Variants in DNAJC1 observed in about 807,000 individuals in gnomAD.
DNAJC1 encodes DnaJ heat shock protein family (Hsp40) member C1, also known as dnaJ homolog subfamily C member 1.
In DNAJC1, 58 loss-of-function variants were observed where a neutral mutation model predicts 76.6. The observed-to-expected ratio is 0.76, with a 90% CI of 0.61 to 0.94. DNAJC1 has a LOEUF of 0.94. DNAJC1 is among the 40% of genes least tolerant of loss of function. DNAJC1 has a pLI of 0.00. For missense variants in DNAJC1, 689 were observed against 677.3 expected (o/e 1.02, Z -0.19); for synonymous variants, 258 against 267.9 (o/e 0.96, Z 0.36).
Position 21,921,130 on chromosome 10 carries a change from AT to A in DNAJC1, c.372-168del, listed in dbSNP as rs1486268101. ...ATCGAGTAAATTCAAAGCACTGTAGATAGCTCTAGTCACTGACACCCTTCAA... is the reference window on the plus strand; with the variant it reads ...ATCGAGTAAATTCAAAGCACTGTAGAAGCTCTAGTCACTGACACCCTTCAA... On this transcript the variant is annotated intron_variant, in intron 3 of 11. Coordinates refer to ENST00000376980, the MANE Select transcript of DNAJC1 (RefSeq NM_022365.4). Among the ~76,000 whole-genome samples the A allele has an allele frequency of 3.3e-5, 5 of 152,156 alleles. No individual in the cohort carries two copies. The South Asian group carries it at 1.0e-3, about 32-fold the overall frequency.
intron 1 of DNAJC1, among the ~76,000 whole-genome samples, chr10:21,934,792 C>A (rs1219349547): frequency 6.6e-6 from 1 of 152,148 alleles, no homozygotes; most frequent in Non-Finnish European, 1.5e-5. Context: ...CCAAGTGATG[C>A]ATTTCTCAGA....
chr10:21,923,387 C>T (rs1017032540), intron 3 of DNAJC1, among the ~76,000 whole-genome samples: 9 of 151,938 alleles, frequency 5.9e-5, no homozygotes, highest in African/African-American at 2.2e-4. Context: ...AGACACTTTT[C>T]ATAAGTTATT....
chr10:21,780,394 C>A (rs1338074776), intron 9 of DNAJC1, among the ~76,000 whole-genome samples: 1 of 152,218 alleles, frequency 6.6e-6, no homozygotes, highest in Non-Finnish European at 1.5e-5. Context: ...AACAGCTGAT[C>A]TCTTGGCAGA....
Position 21,898,424 on chromosome 10 carries a change from T to C in DNAJC1, c.820+6098A>G, listed in dbSNP as rs531860349. On this transcript the variant is annotated intron_variant, in intron 7 of 11. Coordinates refer to ENST00000376980, the MANE Select transcript of DNAJC1 (RefSeq NM_022365.4). ...GCAATGCATTACTCATGTGTCGTAG[T>C]GATGCTGGTATAAACCCACTGCACT... Among the ~76,000 whole-genome samples the C allele has an allele frequency of 1.5e-3, 223 of 152,294 alleles. 1 individual carries two copies. The highest frequency in any genetic ancestry group is 2.6e-3 in the Non-Finnish European group (180 of 68,022).
chr10:21,817,711 C>A (rs1191664080), intron 8 of DNAJC1, among the ~76,000 whole-genome samples: 1 of 152,130 alleles, frequency 6.6e-6, no homozygotes, highest in African/African-American at 2.4e-5. Context: ...GAACCCATGG[C>A]AGAAGAACGT....
chr10:21,782,787 C>G (rs1834549837), intron 9 of DNAJC1, among the ~76,000 whole-genome samples: 2 of 152,108 alleles, frequency 1.3e-5, no homozygotes, highest in African/African-American at 4.8e-5. Context: ...ATAAACAGAA[C>G]CAAAGACAAA....
intron 8 of DNAJC1, among the ~76,000 whole-genome samples, chr10:21,819,796 G>T (rs1232658087): frequency 1.3e-5 from 2 of 152,002 alleles, no homozygotes; most frequent in African/African-American, 4.8e-5. Flanking sequence ...AGGGCATGGT[G>T]GCACATGCTT....
chr10:21,781,447 C>A (rs1009589671), intron 9 of DNAJC1, among the ~76,000 whole-genome samples: 1 of 152,144 alleles, frequency 6.6e-6, no homozygotes, highest in Non-Finnish European at 1.5e-5. Context: ...ACTCGCCGGG[C>A]GCGGTGGCTC....
At chr10:21,895,142 G>C (rs60111702) in intron 7 of DNAJC1, among the ~76,000 whole-genome samples, 1 of 152,148 alleles carries the variant, frequency 6.6e-6, no homozygotes, top group South Asian at 2.1e-4. Flanking sequence ...TTGGGTAATG[G>C]GTAGAAGCCA....
intron 7 of DNAJC1, among the ~76,000 whole-genome samples, chr10:21,898,890 C>G (rs953906433): frequency 4.0e-5 from 6 of 151,634 alleles, no homozygotes; most frequent in South Asian, 2.1e-4. Flanking sequence ...CTACAACGCT[C>G]AGAGAGAGGA....
chr10:21,884,292 C>T (rs1208727230), intron 7 of DNAJC1, among the ~76,000 whole-genome samples: 4 of 152,016 alleles, frequency 2.6e-5, no homozygotes, highest in African/African-American at 7.2e-5. Context: ...TGAGTGCCCA[C>T]GTGGCTAACA....
At chr10:21,915,337 C>T (rs1013189274) in intron 6 of DNAJC1, among the ~76,000 whole-genome samples, 3 of 152,044 alleles carry the variant, frequency 2.0e-5, no homozygotes, top group Admixed American at 6.6e-5. Flanking sequence ...GTATGTGAAG[C>T]GTAGCAAAGG....
intron 6 of DNAJC1, among the ~76,000 whole-genome samples, chr10:21,917,637 G>A (rs1436331620): frequency 6.6e-6 from 1 of 151,792 alleles, no homozygotes; most frequent in Non-Finnish European, 1.5e-5. Context: ...TACAAACATT[G>A]CAGAGTATTT....
intron 6 of DNAJC1, among the ~76,000 whole-genome samples, chr10:21,916,467 C>T (rs554815126): frequency 6.6e-6 from 1 of 151,712 alleles, no homozygotes; most frequent in African/African-American, 2.4e-5. Flanking sequence ...CCAGCCTGGG[C>T]GACAGAGCAA....
At chr10:21,980,331 T>A (rs929713262) in intron 1 of DNAJC1, among the ~76,000 whole-genome samples, 1 of 152,110 alleles carries the variant, frequency 6.6e-6, no homozygotes, top group African/African-American at 2.4e-5. Flanking sequence ...AAAGTTAACA[T>A]CATCTGTGAT....
chr10:21,939,188 C>T (rs1368938925), intron 1 of DNAJC1, among the ~76,000 whole-genome samples: 1 of 152,106 alleles, frequency 6.6e-6, no homozygotes, highest in East Asian at 1.9e-4. Context: ...CGCTCCCGGC[C>T]CGCTCAAAGT....
intron 8 of DNAJC1, among the ~76,000 whole-genome samples, chr10:21,830,966 G>A (rs144682557): frequency 6.6e-6 from 1 of 151,894 alleles, no homozygotes. Flanking sequence ...AATCATTATA[G>A]AAATGCTGAG....
intron 1 of DNAJC1, among the ~76,000 whole-genome samples, chr10:21,975,315 C>CAATA (rs944741041): frequency 1.2e-3 from 180 of 151,210 alleles, no homozygotes; most frequent in Non-Finnish European, 1.7e-3. Flanking sequence ...AAATAAGCTG[C>CAATA]AATAAATAAA....
chr10:21,986,037 C>T (rs1838241395), intron 1 of DNAJC1, among the ~76,000 whole-genome samples: 1 of 152,154 alleles, frequency 6.6e-6, no homozygotes, highest in Non-Finnish European at 1.5e-5. Flanking sequence ...ACCATCCTAG[C>T]TAACAGGGTG....
Sources: allele counts gnomAD v4.1 joint callset (sites outside exome capture counted in the v4.1 genomes callset), GRCh38; gene constraint gnomAD v4.1.1; transcripts MANE v1.5; gene names NCBI Gene and HGNC (gene_info 2026-07-23, HGNC 2026-07-21).